Variants in GOPC observed in about 807,000 individuals in gnomAD.
GOPC encodes golgi associated PDZ and coiled-coil motif containing.
A neutral mutation model predicts 51.2 loss-of-function variants in GOPC; 32 were observed. That is an observed-to-expected ratio of 0.63 (90% CI 0.47 to 0.84). GOPC has a LOEUF of 0.84. Ranked by LOEUF, GOPC falls within the 40% of genes least tolerant of loss-of-function variation. The pLI, the probability that GOPC is intolerant of heterozygous loss-of-function variation, is 0.00. For missense variants in GOPC, 441 were observed against 555.5 expected (o/e 0.79, Z 2.07); for synonymous variants, 190 against 205.1 (o/e 0.93, Z 0.63).
chr6:117,576,381 T>C (rs1330964233), intron 3 of GOPC, among the ~76,000 whole-genome samples: 2 of 152,056 alleles, frequency 1.3e-5, no homozygotes, highest in Admixed American at 6.6e-5. Context: ...TTTAACATAA[T>C]TTTGGAATTA....
At chr6:117,600,993 T>G (rs563564071) in intron 1 of GOPC, among the ~76,000 whole-genome samples, 26 of 152,306 alleles carry the variant, frequency 1.7e-4, no homozygotes, top group Middle Eastern at 3.4e-3. Context: ...GATGTTTAAC[T>G]GACATTCATA....
At chr6:117,566,033 G>T (rs533693394) in intron 8 of GOPC, among the ~76,000 whole-genome samples, 2 of 152,224 alleles carry the variant, frequency 1.3e-5, no homozygotes, top group Admixed American at 1.3e-4. Flanking sequence ...TTTCATCAAA[G>T]ATATTTTTAA....
Position 117,571,326 on chromosome 6 carries a change from T to C in GOPC, c.817-371A>G, listed in dbSNP as rs111728728. Among the ~76,000 whole-genome samples the C allele has an allele frequency of 4.6e-3, 707 of 152,274 alleles. 8 individuals carry two copies. Among genetic ancestry groups the C allele is most frequent in the African/African-American group, 0.015 (623 of 41,554 alleles). ...AAGATATACATTCATTTTAGCTGAGTTGTAGAGTTGAAAAACAAATTTCCA... is the reference window on the plus strand; with the variant it reads ...AAGATATACATTCATTTTAGCTGAGCTGTAGAGTTGAAAAACAAATTTCCA... On this transcript the variant is annotated intron_variant, in intron 5 of 8. Transcript: ENST00000368498.
rs1779837196 is a variant in GOPC, at chr6:117,573,548, A to G, written c.735T>C (p.His245=). 39 of 1,614,078 alleles carry G rather than the reference A, an allele frequency of 2.4e-5. No individual in the cohort carries two copies. Among genetic ancestry groups the G allele is most frequent in the Non-Finnish European group, 3.1e-5 (36 of 1,179,974 alleles). ...GGATCACAGTTTTGTGACGATGCAA[A>G]TGTATTTCAGCTTCTAATTGGTTCC... The part of the protein sequence containing the change: ...KLWNQLEAEI[H]LHRHKTVIRA... Residue 245 remains histidine, a synonymous_variant, in exon 5 of 9, where the codon CAT becomes CAC. Coordinates refer to ENST00000368498, the MANE Select transcript of GOPC (RefSeq NM_020399.4).
intron 1 of GOPC, among the ~76,000 whole-genome samples, chr6:117,583,275 T>C (rs1779986538): frequency 6.6e-6 from 1 of 152,216 alleles, no homozygotes; most frequent in African/African-American, 2.4e-5. Context: ...GGCACCCCTG[T>C]CGTGAGTACC....
rs983308697 is a variant in GOPC at position 117,599,629 on chromosome 6, T to C, written c.285+2375A>G. On this transcript the variant is annotated intron_variant, in intron 1 of 8. Transcript: ENST00000368498. ...GATTTTTCCCCTCCCCATTTTCCTA[T>C]GATCTTTAAATCAACAGTTTCAAGC... 9.2e-5 allele frequency among the ~76,000 whole-genome samples: 14 copies of C among 152,244 alleles called. No individual in the cohort carries two copies. In the South Asian group the frequency reaches 2.9e-3, roughly 31 times the overall value.
rs1345646456 is a variant in GOPC, at chr6:117,561,386, G to T, written c.*1868C>A. 2.7e-5 allele frequency: 6 copies of T among 224,586 alleles called. No homozygotes were observed. Among genetic ancestry groups the T allele is most frequent in the Non-Finnish European group, 5.3e-5 (6 of 112,694 alleles). The allele number at this position is 224,586 out of a possible 1,614,324, so 13.9% of individuals were successfully genotyped here. A position where few individuals can be genotyped will look rare whatever the true frequency, so the allele number is the denominator to read the frequency against. On this transcript the variant is annotated 3_prime_UTR_variant, in exon 9 of 9. Transcript: ENST00000368498. ...GATGTTCTCTGAAAAAAATGCCATG[G>T]CCATTCCATCCCAGGCTGTGTTTTA...
chr6:117,598,122 G>T (rs1369515679), intron 1 of GOPC, among the ~76,000 whole-genome samples: 1 of 151,096 alleles, frequency 6.6e-6, no homozygotes, highest in Non-Finnish European at 1.5e-5. Context: ...ATTTCGAGAG[G>T]TTGAGGCAGG....
chr6:117,602,020 A>G lies in GOPC; in HGVS notation c.269T>C (p.Ile90Thr). The G allele has an allele frequency of 6.2e-7, 1 of 1,614,088 alleles. No homozygotes were observed. Among genetic ancestry groups the G allele is most frequent in the Non-Finnish European group, 8.5e-7 (1 of 1,179,990 alleles). ...LCHKAQSVSQ[I>T]NHKLEAQLVD... ...ACGGCTCACCTCCAGCTTGTGGTTG[A>G]TTTGAGACACAGACTGGGCTTTGTG... The change falls in exon 1 of 9, where the codon ATC (isoleucine) becomes ACC (threonine). Residue 90 changes from isoleucine to threonine, a missense_variant. By Grantham distance (89) the Ile-to-Thr change is moderately conservative (BLOSUM62 -1). Coordinates refer to ENST00000368498, the MANE Select transcript of GOPC (RefSeq NM_020399.4).
chr6:117,599,535 T>G (rs751502837), intron 1 of GOPC, among the ~76,000 whole-genome samples: 4 of 152,108 alleles, frequency 2.6e-5, no homozygotes, highest in African/African-American at 9.7e-5. Context: ...CAGATTAACA[T>G]CAAAGACAAA....
At position 117,563,208 on chromosome 6, in the gene GOPC, A is replaced by G. The variant is rs1280241120; in HGVS notation, c.*46T>C. Reference sequence around the variant, plus strand: ...GTCACCATCTTCCCCAGTGCCCCAAATTCAGAATAGTCTGATTAACAATCT... The same window carrying G: ...GTCACCATCTTCCCCAGTGCCCCAAGTTCAGAATAGTCTGATTAACAATCT... On this transcript the variant is annotated 3_prime_UTR_variant, in exon 9 of 9. Transcript: ENST00000368498. 6.3e-7 allele frequency: 1 copy of G among 1,581,202 alleles called. No individual in the cohort carries two copies. The highest frequency in any genetic ancestry group is 1.7e-5 in the Admixed American group (1 of 58,700).
rs758199251 is a variant in GOPC, at chr6:117,569,562, G to A, written c.1077+10C>T. The A allele has an allele frequency of 8.7e-6, 14 of 1,611,370 alleles. No homozygotes were observed. In the South Asian group the frequency reaches 1.5e-4, roughly 18 times the overall value. On this transcript the variant is annotated intron_variant, in intron 7 of 8. Coordinates refer to ENST00000368498, the MANE Select transcript of GOPC (RefSeq NM_020399.4). Reference sequence around the variant, plus strand: ...ATAGATCCAGTTCTAATTACATGAAGGGAATTTACCTGCTGAGAAAGAATA... The same window carrying A: ...ATAGATCCAGTTCTAATTACATGAAAGGAATTTACCTGCTGAGAAAGAATA...
intron 1 of GOPC, among the ~76,000 whole-genome samples, chr6:117,589,709 G>C (rs1388920551): frequency 6.6e-6 from 1 of 152,128 alleles, no homozygotes; most frequent in Non-Finnish European, 1.5e-5. Context: ...GAAACCAGTT[G>C]ATAAATCTGA....
chr6:117,593,840 C>A (rs1192784056), intron 1 of GOPC, among the ~76,000 whole-genome samples: 1 of 152,192 alleles, frequency 6.6e-6, no homozygotes, highest in South Asian at 2.1e-4. Flanking sequence ...ACTCCCTCAT[C>A]CCTCTGTTCC....
chr6:117,563,890 TC>T (rs1370031052), intron 8 of GOPC, among the ~76,000 whole-genome samples: 1 of 152,034 alleles, frequency 6.6e-6, no homozygotes, highest in Admixed American at 6.6e-5. Context: ...ATGGCAGGTA[TC>T]AAATATTGTA....
intron 1 of GOPC, among the ~76,000 whole-genome samples, chr6:117,595,371 GTGTTT>G (rs1417207494): frequency 6.6e-6 from 1 of 152,162 alleles, no homozygotes; most frequent in African/African-American, 2.4e-5. Flanking sequence ...GAACTCAGTT[GTGTTT>G]TGTTTTGTTT....
chr6:117,598,282 AGGGATCAACTGAGCTGGGAGTT>A (rs917240025), intron 1 of GOPC, among the ~76,000 whole-genome samples: 4 of 151,810 alleles, frequency 2.6e-5, no homozygotes, highest in African/African-American at 9.7e-5. Flanking sequence ...GCTGAAGCAG[AGGGATCAACTGAGCTGGGAGTT>A]GGAGGCCACA....
At chr6:117,565,481 T>A (rs1583048735) in intron 8 of GOPC, among the ~76,000 whole-genome samples, 1 of 152,230 alleles carries the variant, frequency 6.6e-6, no homozygotes. Context: ...GCATTTTGAA[T>A]GGATCTTTTC....
chr6:117,569,734 A>G lies in GOPC; in HGVS notation c.915T>C (p.Gly305=), dbSNP rs1199575594. 9.5e-6 allele frequency: 15 copies of G among 1,583,696 alleles called. No homozygotes were observed. The highest frequency in any genetic ancestry group is 1.4e-5 in the African/African-American group (1 of 73,278). The part of the protein sequence containing the change: ...DHEGLGISIT[G]GKEHGVPILI... ...GGATTGGAACACCATGTTCTTTCCC[A>G]CCCTAACAACAACAAAGGGCAGTAA... Residue 305 remains glycine (G), a splice_region_variant and synonymous_variant, in exon 7 of 9, where the codon GGT becomes GGC. Coordinates refer to ENST00000368498, the MANE Select transcript of GOPC (RefSeq NM_020399.4).
Sources: allele counts gnomAD v4.1 joint callset (sites outside exome capture counted in the v4.1 genomes callset), GRCh38; gene constraint gnomAD v4.1.1; transcripts MANE v1.5; gene names NCBI Gene and HGNC (gene_info 2026-07-23, HGNC 2026-07-21).